CHD6: variants seen among roughly 807,000 people sequenced by gnomAD.
CHD6 encodes the protein ATP-dependent chromatin remodeler CHD6.
In CHD6, 50 loss-of-function variants were observed where a neutral mutation model predicts 276.9. That is an observed-to-expected ratio of 0.18 (90% confidence interval 0.14 to 0.23). CHD6 has a LOEUF of 0.23. Ranked by LOEUF, CHD6 falls within the 10% of genes least tolerant of loss-of-function variation. CHD6 has a pLI of 1.00. For missense variants in CHD6, 2,564 were observed against 3,365.8 expected (o/e 0.76, Z 5.89); for synonymous variants, 1,173 against 1,229.3 (o/e 0.95, Z 0.96).
chr20:41,512,134 ATT>A (rs11429306), intron 5 of CHD6, among the ~76,000 whole-genome samples: 1 of 147,826 alleles, frequency 6.8e-6, no homozygotes, highest in Non-Finnish European at 1.5e-5. Flanking sequence ...TGCCCAGCTA[ATT>A]TTTTTTTTTG....
chr20:41,438,407 T>C (rs1033174545), intron 26 of CHD6, among the ~76,000 whole-genome samples: 1 of 151,978 alleles, frequency 6.6e-6, no homozygotes, highest in Non-Finnish European at 1.5e-5. Context: ...CTGGCCAACA[T>C]GGTGAAACCC....
intron 36 of CHD6, among the ~76,000 whole-genome samples, chr20:41,411,686 A>AT (rs2046844825): frequency 6.6e-6 from 1 of 152,194 alleles, no homozygotes; most frequent in Admixed American, 6.5e-5. Context: ...TCATGATGCT[A>AT]TAATAGGAAA....
intron 5 of CHD6, among the ~76,000 whole-genome samples, chr20:41,499,850 T>C (rs1464160813): frequency 1.3e-5 from 2 of 152,170 alleles, no homozygotes; most frequent in Admixed American, 1.3e-4. Flanking sequence ...AGTATTACTA[T>C]TGGAAAAATG....
chr20:41,469,407 G>A (rs1219688553), intron 17 of CHD6, among the ~76,000 whole-genome samples: 4 of 152,144 alleles, frequency 2.6e-5, no homozygotes, highest in Non-Finnish European at 5.9e-5. Context: ...AATGGAAGAG[G>A]AAGGTTTGTG....
rs1600769940 is a variant in CHD6, at chr20:41,402,479, G to C, written c.*2114C>G. On this transcript the variant is annotated 3_prime_UTR_variant, in exon 37 of 37. Coordinates refer to ENST00000373233, the MANE Select transcript of CHD6 (RefSeq NM_032221.5). ...TGTGACCTACCGGAGGTTATAAGTG[G>C]AACCCGGGGAAAGCAGCTTTTCCAT... 4.3e-6 allele frequency: 1 copy of C among 231,184 alleles called. No homozygotes were observed. The highest frequency in any genetic ancestry group is 6.1e-5 in the East Asian group (1 of 16,340). The allele number at this position is 231,184 out of a possible 1,614,324, so 14.3% of individuals were successfully genotyped here.
intron 26 of CHD6, among the ~76,000 whole-genome samples, chr20:41,439,539 G>A (rs1000958054): frequency 6.6e-5 from 10 of 152,162 alleles, no homozygotes; most frequent in South Asian, 2.1e-4. Context: ...GGCCGTCAAG[G>A]AGCGGCCCCT....
Position 41,418,836 on chromosome 20 carries a change from C to T in CHD6, c.6128-1487G>A, listed in dbSNP as rs939787089. Among the ~76,000 whole-genome samples the T allele has an allele frequency of 3.3e-5, 5 of 152,184 alleles. No homozygotes were observed. The South Asian group carries it at 6.2e-4, about 19-fold the overall frequency. Reference sequence around the variant, plus strand: ...TCAGTGAAAGGGACTCCCACCCACGCGTGCACATGATGCTCACCAAAGCTT... The same window carrying T: ...TCAGTGAAAGGGACTCCCACCCACGTGTGCACATGATGCTCACCAAAGCTT... On this transcript the variant is annotated intron_variant, in intron 31 of 36. Coordinates refer to ENST00000373233, the MANE Select transcript of CHD6 (RefSeq NM_032221.5).
chr20:41,416,483 C>A (rs1045973133), intron 33 of CHD6, 105 bp downstream of exon 33: 76 of 1,067,018 alleles, frequency 7.1e-5, no homozygotes, highest in South Asian at 2.1e-4. Context: ...CAAAAAAAAA[C>A]CCCTATCCAC....
intron 16 of CHD6, among the ~76,000 whole-genome samples, chr20:41,483,004 C>A (rs2043328908): frequency 6.6e-6 from 1 of 151,850 alleles, no homozygotes; most frequent in South Asian, 2.1e-4. Flanking sequence ...TTTTCTTAGC[C>A]CTTTCTAATG....
rs555814740 is a variant in CHD6, at chr20:41,420,324, T to C, written c.6127+184A>G. 5.9e-4 allele frequency among the ~76,000 whole-genome samples: 90 copies of C among 152,346 alleles called. 4 individuals carry two copies. The South Asian group carries it at 0.018, about 30-fold the overall frequency. ...TGATTGTCTATGATCTTCAATTTTC[T>C]ACAACATGACCACAGTTACTAAGCT... On this transcript the variant is annotated intron_variant, in intron 31 of 36. Coordinates refer to ENST00000373233, the MANE Select transcript of CHD6 (RefSeq NM_032221.5).
At chr20:41,603,767 T>C (rs1418956477) in intron 1 of CHD6, among the ~76,000 whole-genome samples, 1 of 152,038 alleles carries the variant, frequency 6.6e-6, no homozygotes, top group Non-Finnish European at 1.5e-5. Context: ...CTTGAGAGGC[T>C]GAGGCAGGAG....
chr20:41,493,589 T>G lies in CHD6; in HGVS notation c.1263A>C (p.Ala421=). 1.9e-6 allele frequency: 3 copies of G among 1,613,962 alleles called. No homozygotes were observed. The highest frequency in any genetic ancestry group is 2.5e-6 in the Non-Finnish European group (3 of 1,179,896). The change falls in exon 10 of 37, where the codon GCA becomes GCC. Residue 421 remains alanine (A), a synonymous_variant. Transcript: ENST00000373233. ...GAAGAGATTCAAATTCTTTAACTTT[T>G]GCAGGATCTACATCTTCCTCTAGCT... ...TWELEEDVDP[A]KVKEFESLQV...
chr20:41,538,478 T>C (rs759614398), intron 2 of CHD6, among the ~76,000 whole-genome samples: 9 of 152,224 alleles, frequency 5.9e-5, no homozygotes, highest in Non-Finnish European at 1.2e-4. Flanking sequence ...TATAATTCCA[T>C]TTATATGAAA....
rs921095200 is a variant in CHD6, at chr20:41,457,482, A to G, written c.2665-54T>C. ...CGTCACCGTATGTATAAACGGCAGCAACCCTGGGAATAGGGGAGTGCTTAA... is the reference window on the plus strand; with the variant it reads ...CGTCACCGTATGTATAAACGGCAGCGACCCTGGGAATAGGGGAGTGCTTAA... On this transcript the variant is annotated intron_variant, in intron 17 of 36. Coordinates refer to ENST00000373233, the MANE Select transcript of CHD6 (RefSeq NM_032221.5). 9 of 1,571,392 alleles carry G rather than the reference A, an allele frequency of 5.7e-6. No homozygotes were observed. In the African/African-American group the frequency reaches 1.1e-4, roughly 19 times the overall value.
chr20:41,581,205 T>C (rs1042878419), intron 1 of CHD6, among the ~76,000 whole-genome samples: 2 of 152,170 alleles, frequency 1.3e-5, no homozygotes, highest in South Asian at 2.1e-4. Context: ...ATGAGATAGG[T>C]ACGGTACTAT....
chr20:41,499,036 A>T (rs2043766347), intron 6 of CHD6, among the ~76,000 whole-genome samples: 1 of 152,078 alleles, frequency 6.6e-6, no homozygotes, highest in African/African-American at 2.4e-5. Flanking sequence ...GGTGGGCTAC[A>T]GCAACTAAGG....
At position 41,457,247 on chromosome 20, in the gene CHD6, AG is replaced by A; in HGVS notation, c.2829+16del. The A allele has an allele frequency of 6.2e-7, 1 of 1,607,796 alleles. No individual in the cohort carries two copies. The highest frequency in any genetic ancestry group is 8.5e-7 in the Non-Finnish European group (1 of 1,174,766). ...CCAATGTTCCTTAAGACTCCAGAGC[AG>A]GCCCATCACACTCACCCCATTGGTG... is the stretch of plus-strand genomic sequence containing the variant. On this transcript the variant is annotated intron_variant, in intron 18 of 36. Coordinates refer to ENST00000373233, the MANE Select transcript of CHD6 (RefSeq NM_032221.5).
At chr20:41,572,896 A>G (rs6093497) in intron 1 of CHD6, among the ~76,000 whole-genome samples, 20,226 of 152,074 alleles carry the variant, frequency 0.13, 2,882 homozygotes, top group African/African-American at 0.34. Flanking sequence ...TTGGGACAGT[A>G]TAATTCTAAA....
chr20:41,560,661 GAATT>G (rs1014276562), intron 1 of CHD6, among the ~76,000 whole-genome samples: 1 of 152,054 alleles, frequency 6.6e-6, no homozygotes, highest in Non-Finnish European at 1.5e-5. Flanking sequence ...ATGAGTAAGT[GAATT>G]AATGGGAAAG....
Sources: gnomAD v4.1 joint callset for allele counts (sites outside exome capture counted in the v4.1 genomes callset) on GRCh38, gnomAD v4.1.1 for gene constraint, MANE v1.5 for transcripts, NCBI Gene and HGNC (gene_info 2026-07-23, HGNC 2026-07-21) for gene names.